Variants in LHFPL1 observed in about 807,000 individuals in gnomAD.
The protein encoded by LHFPL1 is LHFPL tetraspan subfamily member 1 protein.
A neutral mutation model predicts 12.1 loss-of-function variants in LHFPL1; 4 were observed. That is an observed-to-expected ratio of 0.33 (90% CI 0.16 to 0.76). LHFPL1 has a LOEUF of 0.76. LHFPL1 is among the 30% of genes least tolerant of loss of function. The pLI is 0.61. For synonymous variants in LHFPL1, 52 were observed against 61.9 expected (o/e 0.84, Z 0.75); for missense variants, 141 against 174.1 (o/e 0.81, Z 1.07).
intron 3 of LHFPL1, among the ~76,000 whole-genome samples, chrX:112,658,379 C>T (rs1206442590): frequency 1.9e-5 from 2 of 104,994 alleles, no homozygotes; most frequent in Non-Finnish European, 3.9e-5. Context: ...GAGCAGAGAT[C>T]GCACCACTGC....
At chrX:112,643,305 G>A (rs954326796) in intron 3 of LHFPL1, among the ~76,000 whole-genome samples, 2 of 105,556 alleles carry the variant, frequency 1.9e-5, no homozygotes, top group African/African-American at 7.0e-5. Flanking sequence ...CTTGAGCCTG[G>A]GGGTCAGAGG....
At chrX:112,647,551 G>A (rs999161810) in intron 3 of LHFPL1, among the ~76,000 whole-genome samples, 5 of 112,047 alleles carry the variant, frequency 4.5e-5, no homozygotes, top group East Asian at 2.8e-4. Flanking sequence ...ACATTTATGC[G>A]GCAAACAAAC....
chrX:112,671,436 G>C (rs1279467652), intron 1 of LHFPL1, 32 bp from the exon 2 acceptor site: 1 of 1,209,208 alleles, frequency 8.3e-7, no homozygotes, highest in African/African-American at 1.7e-5. Context: ...TTGGATCACA[G>C]CACCAAATGC....
intron 1 of LHFPL1, among the ~76,000 whole-genome samples, chrX:112,676,821 C>T (rs1218547319): frequency 8.9e-6 from 1 of 112,108 alleles, no homozygotes; most frequent in African/African-American, 3.2e-5. Context: ...CCTTTATAAA[C>T]TTTTCTTGTT....
intron 3 of LHFPL1, among the ~76,000 whole-genome samples, chrX:112,658,742 T>A (rs1187376790): frequency 8.9e-6 from 1 of 111,742 alleles, no homozygotes; most frequent in Non-Finnish European, 1.9e-5. Context: ...GGTTTAAACA[T>A]AGAGTTAATA....
chrX:112,657,543 A>G (rs1569364850), intron 3 of LHFPL1, among the ~76,000 whole-genome samples: 1 of 112,309 alleles, frequency 8.9e-6, no homozygotes, highest in Non-Finnish European at 1.9e-5. Flanking sequence ...CTACAAATCT[A>G]TGATAATCAA....
intron 3 of LHFPL1, among the ~76,000 whole-genome samples, chrX:112,653,026 GA>G (rs1392665136): frequency 9.0e-6 from 1 of 111,647 alleles, no homozygotes; most frequent in Non-Finnish European, 1.9e-5. Flanking sequence ...TTCTAACCTG[GA>G]ATTCAAATCC....
chrX:112,665,181 C>T (rs1931293390), intron 2 of LHFPL1, among the ~76,000 whole-genome samples: 1 of 106,576 alleles, frequency 9.4e-6, no homozygotes, highest in Non-Finnish European at 1.9e-5. Context: ...AGAAGTCTGT[C>T]TCTTTTTTTT....
intron 2 of LHFPL1, among the ~76,000 whole-genome samples, chrX:112,665,500 C>T (rs908770328): frequency 8.9e-6 from 1 of 111,769 alleles, no homozygotes; most frequent in African/African-American, 3.3e-5. Context: ...CTGAAGAAGT[C>T]TGTTTCAACT....
At position 112,632,087 on chromosome X, in the gene LHFPL1, T is replaced by C. The variant is rs144822196; in HGVS notation, c.482-486A>G. 7.4e-3 allele frequency among the ~76,000 whole-genome samples: 822 copies of C among 111,573 alleles called. 9 individuals carry two copies. The highest frequency in any genetic ancestry group is 0.026 in the African/African-American group (784 of 30,701). On this transcript the variant is annotated intron_variant, in intron 3 of 3. Coordinates refer to ENST00000371968, the MANE Select transcript of LHFPL1 (RefSeq NM_178175.4). ...AGCCGGCAAGTGGTAAAGATACAAATGCTGACTCATCCTAACTTCAAAACT... is the reference window on the plus strand; with the variant it reads ...AGCCGGCAAGTGGTAAAGATACAAACGCTGACTCATCCTAACTTCAAAACT...
intron 1 of LHFPL1, among the ~76,000 whole-genome samples, chrX:112,676,349 G>C (rs1242615830): frequency 8.9e-6 from 1 of 111,961 alleles, no homozygotes; most frequent in East Asian, 2.8e-4. Flanking sequence ...CTGGATTTCA[G>C]GAACCAAGAA....
At chrX:112,679,540 A>G (rs1931746445) in intron 1 of LHFPL1, among the ~76,000 whole-genome samples, 1 of 111,253 alleles carries the variant, frequency 9.0e-6, no homozygotes, top group African/African-American at 3.3e-5. Flanking sequence ...CAGGTTACCA[A>G]CTCCCCTGGG....
At chrX:112,651,035 A>G (rs972189367) in intron 3 of LHFPL1, among the ~76,000 whole-genome samples, 3 of 111,963 alleles carry the variant, frequency 2.7e-5, no homozygotes, top group African/African-American at 9.7e-5. Context: ...GAGGCTAATA[A>G]TATCTTCTTT....
intron 1 of LHFPL1, among the ~76,000 whole-genome samples, chrX:112,678,905 T>C (rs1305636402): frequency 8.9e-6 from 1 of 112,055 alleles, no homozygotes; most frequent in East Asian, 2.8e-4. Context: ...TTACAGGCTA[T>C]ATGCACATAA....
At chrX:112,660,801 C>T in intron 2 of LHFPL1, 76 bp from the exon 3 acceptor site, 1 of 736,792 alleles carries the variant, frequency 1.4e-6, no homozygotes, top group Non-Finnish European at 2.0e-6. Context: ...TGGATTAGTT[C>T]AGCTCAAATT....
chrX:112,656,123 A>G (rs1227108828), intron 3 of LHFPL1, among the ~76,000 whole-genome samples: 1 of 111,960 alleles, frequency 8.9e-6, no homozygotes, highest in Non-Finnish European at 1.9e-5. Context: ...ACAAAATCGT[A>G]GAAAACTAAA....
At chrX:112,638,890 T>C (rs1275972454) in intron 3 of LHFPL1, among the ~76,000 whole-genome samples, 1 of 111,153 alleles carries the variant, frequency 9.0e-6, no homozygotes, top group Non-Finnish European at 1.9e-5. Flanking sequence ...GGAGGGGTGG[T>C]TGCTATTTGC....
intron 3 of LHFPL1, among the ~76,000 whole-genome samples, chrX:112,639,467 T>A (rs1385461103): frequency 1.8e-5 from 2 of 111,703 alleles, no homozygotes; most frequent in East Asian, 5.7e-4. Flanking sequence ...CAACCCAATG[T>A]TCCAAAGGGT....
chrX:112,634,358 C>T (rs1232853323), intron 3 of LHFPL1, among the ~76,000 whole-genome samples: 1 of 111,164 alleles, frequency 9.0e-6, no homozygotes, highest in African/African-American at 3.3e-5. Context: ...TCTTCTAACC[C>T]CCTTCAACAA....
Sources: gnomAD v4.1 joint callset for allele counts (sites outside exome capture counted in the v4.1 genomes callset) on GRCh38, gnomAD v4.1.1 for gene constraint, MANE v1.5 for transcripts, NCBI Gene and HGNC (gene_info 2026-07-23, HGNC 2026-07-21) for gene names.